OXCT1: variants seen among roughly 807,000 people sequenced by gnomAD.
The protein encoded by OXCT1 is succinyl-CoA:3-ketoacid coenzyme A transferase 1, mitochondrial.
A neutral mutation model predicts 69.6 loss-of-function variants in OXCT1; 27 were observed. The observed-to-expected ratio is 0.39, with a 90% CI of 0.29 to 0.54. The LOEUF is 0.54. Among genes scored for constraint, OXCT1 ranks in the 20% least tolerant of loss-of-function variants. OXCT1 has a pLI of 0.72. For missense variants in OXCT1, 437 were observed against 650.2 expected (o/e 0.67, Z 3.57); for synonymous variants, 202 against 217.8 (o/e 0.93, Z 0.64).
intron 12 of OXCT1, 152 bp from the exon 13 acceptor site, chr5:41,794,230 A>G: frequency 1.5e-6 from 1 of 678,360 alleles, no homozygotes; most frequent in Non-Finnish European, 2.7e-6. Flanking sequence ...CTCCATGCTG[A>G]CAGAGAAATA....
intron 5 of OXCT1, among the ~76,000 whole-genome samples, chr5:41,845,963 T>C (rs930357500): frequency 6.6e-6 from 1 of 152,124 alleles, no homozygotes; most frequent in Non-Finnish European, 1.5e-5. Context: ...TATGTAGCAT[T>C]TTAAAAATAT....
intron 13 of OXCT1, among the ~76,000 whole-genome samples, chr5:41,788,805 T>G (rs1378378937): frequency 1.3e-5 from 2 of 152,120 alleles, no homozygotes; most frequent in Admixed American, 1.3e-4. Flanking sequence ...TACAGAACAC[T>G]GTACCCAACA....
intron 13 of OXCT1, among the ~76,000 whole-genome samples, chr5:41,782,665 G>C (rs146344330): frequency 0.014 from 2,161 of 152,250 alleles, 98 homozygotes; most frequent in South Asian, 0.079. Flanking sequence ...CAGATGGATA[G>C]ATTGCAAATA....
intron 3 of OXCT1, among the ~76,000 whole-genome samples, chr5:41,858,777 T>A (rs1211833286): frequency 6.6e-6 from 1 of 152,232 alleles, no homozygotes; most frequent in African/African-American, 2.4e-5. Flanking sequence ...AAGTTGTATT[T>A]CTTTTGTTTA....
intron 5 of OXCT1, among the ~76,000 whole-genome samples, chr5:41,845,644 A>G (rs774788759): frequency 6.6e-6 from 1 of 152,188 alleles, no homozygotes; most frequent in Non-Finnish European, 1.5e-5. Context: ...TTAAAAAACT[A>G]CGAGTTTGAG....
rs555363786 is a variant in OXCT1, at chr5:41,811,131, C to A, written c.733-3693G>T. On this transcript the variant is annotated intron_variant, in intron 7 of 16. Transcript: ENST00000196371. The stretch of plus-strand genomic sequence containing the variant: ...AGTCTAGAAAAATAAAAGGGGGAGA[C>A]AATAAGCAATAAGAGAAGTTACAAG... Among the ~76,000 whole-genome samples the A allele has an allele frequency of 3.8e-4, 56 of 145,948 alleles. 1 individual carries two copies. The highest frequency in any genetic ancestry group is 7.2e-3 in the Middle Eastern group (2 of 276).
At chr5:41,790,165 T>C (rs1293724717) in intron 13 of OXCT1, among the ~76,000 whole-genome samples, 1 of 152,226 alleles carries the variant, frequency 6.6e-6, no homozygotes, top group Non-Finnish European at 1.5e-5. Flanking sequence ...ACTCACGTAC[T>C]GCAGCCCTGT....
chr5:41,741,347 T>C (rs1743156801), intron 15 of OXCT1, among the ~76,000 whole-genome samples: 1 of 152,130 alleles, frequency 6.6e-6, no homozygotes. Context: ...CAGCAACACG[T>C]AGAGAAAAGA....
chr5:41,773,784 G>A (rs1051039199), intron 13 of OXCT1, among the ~76,000 whole-genome samples: 2 of 152,084 alleles, frequency 1.3e-5, no homozygotes, highest in Non-Finnish European at 2.9e-5. Context: ...AATTTCATAG[G>A]AGACCTTTTA....
intron 7 of OXCT1, among the ~76,000 whole-genome samples, chr5:41,829,973 G>A (rs1748009429): frequency 6.6e-6 from 1 of 152,138 alleles, no homozygotes; most frequent in Admixed American, 6.5e-5. Context: ...AGTATGATCA[G>A]TCAGTTCATT....
intron 11 of OXCT1, 50 bp from the exon 12 acceptor site, chr5:41,794,799 A>C: frequency 6.3e-7 from 1 of 1,584,506 alleles, no homozygotes; most frequent in Non-Finnish European, 8.6e-7. Context: ...GATTTCTAAG[A>C]GTATCATGGT....
At chr5:41,868,937 A>G (rs1405902960) in intron 1 of OXCT1, among the ~76,000 whole-genome samples, 1 of 152,180 alleles carries the variant, frequency 6.6e-6, no homozygotes, top group Non-Finnish European at 1.5e-5. Context: ...CTCAAGATGG[A>G]AAAGACTTGA....
chr5:41,807,436 A>C lies in OXCT1; in HGVS notation c.735T>G (p.Val245=). The change falls in exon 8 of 17, where the codon GTT becomes GTG. Residue 245 remains valine, a splice_region_variant and synonymous_variant. Transcript: ENST00000196371. ...ATGCTCCAATATCCACAATTTCTTC[A>C]ACCTAGACAAAGAGAAATTTCTTTC... ...CKAAETTVVE[V]EEIVDIGAFA... is the part of the protein sequence containing the mutation. 1 of 1,561,184 alleles carries C rather than the reference A, an allele frequency of 6.4e-7. No homozygotes were observed. Among genetic ancestry groups the C allele is most frequent in the Non-Finnish European group, 8.8e-7 (1 of 1,132,958 alleles).
At chr5:41,842,546 T>A in intron 6 of OXCT1, 129 bp downstream of exon 6, 2 of 754,448 alleles carry the variant, frequency 2.7e-6, no homozygotes, top group Non-Finnish European at 4.9e-6. Context: ...CACCTATATA[T>A]GTGCAATACA....
At chr5:41,861,063 C>T (rs1749708748) in intron 3 of OXCT1, among the ~76,000 whole-genome samples, 1 of 152,034 alleles carries the variant, frequency 6.6e-6, no homozygotes, top group African/African-American at 2.4e-5. Flanking sequence ...AAGCACATCA[C>T]ATTAAGATAT....
chr5:41,731,841 C>A, intron 16 of OXCT1, 71 bp from the exon 17 acceptor site: 2 of 1,536,498 alleles, frequency 1.3e-6, no homozygotes, highest in Non-Finnish European at 1.8e-6. Context: ...TTTTAATTTC[C>A]AAATTTCAAT....
chr5:41,776,629 A>ATTTAC (rs933171693), intron 13 of OXCT1, among the ~76,000 whole-genome samples: 4 of 152,228 alleles, frequency 2.6e-5, no homozygotes, highest in Admixed American at 6.5e-5. Flanking sequence ...TTCAACAATG[A>ATTTAC]TTTACTTTCT....
At chr5:41,753,835 G>A (rs1053311555) in intron 14 of OXCT1, among the ~76,000 whole-genome samples, 1 of 152,092 alleles carries the variant, frequency 6.6e-6, no homozygotes, top group African/African-American at 2.4e-5. Context: ...GCTATAAAAT[G>A]CCATGTGACT....
chr5:41,801,464 C>A (rs953197062), intron 10 of OXCT1, among the ~76,000 whole-genome samples: 11 of 152,110 alleles, frequency 7.2e-5, no homozygotes, highest in African/African-American at 2.4e-4. Flanking sequence ...GAGGCTGAAG[C>A]AGGAGGATCA....
Sources: gnomAD v4.1 joint callset for allele counts (sites outside exome capture counted in the v4.1 genomes callset) on GRCh38, gnomAD v4.1.1 for gene constraint, MANE v1.5 for transcripts, NCBI Gene and HGNC (gene_info 2026-07-23, HGNC 2026-07-21) for gene names.